The following TM7SF3 variants were observed in gnomAD, a reference collection of about 807,000 sequenced individuals.
TM7SF3 encodes the protein transmembrane 7 superfamily member 3, also known as seven span transmembrane protein.
Under a neutral mutation model 65.5 loss-of-function variants are expected in TM7SF3, and 60 were observed. The observed-to-expected ratio is 0.92, with a 90% CI of 0.74 to 1.14. The LOEUF (loss-of-function observed/expected upper bound fraction) is 1.14. TM7SF3 is among the 50% of genes most tolerant of loss of function. The pLI, the probability that TM7SF3 is intolerant of heterozygous loss-of-function variation, is 0.00. For synonymous variants in TM7SF3, 264 were observed against 259.6 expected (o/e 1.02, Z -0.16); for missense variants, 623 against 684.8 (o/e 0.91, Z 1.01).
At chr12:26,981,453 T>C (rs1939812248) in intron 7 of TM7SF3, among the ~76,000 whole-genome samples, 1 of 151,826 alleles carries the variant, frequency 6.6e-6, no homozygotes, top group African/African-American at 2.4e-5. Context: ...TAATTGTACC[T>C]GTGAACAGCC....
At chr12:27,005,964 T>C (rs1214775730) in intron 1 of TM7SF3, among the ~76,000 whole-genome samples, 2 of 149,282 alleles carry the variant, frequency 1.3e-5, no homozygotes, top group Non-Finnish European at 3.0e-5. Flanking sequence ...CACGCCTGGC[T>C]AATTTTTGTA....
intron 3 of TM7SF3, among the ~76,000 whole-genome samples, chr12:26,998,658 C>T (rs764183785): frequency 1.6e-4 from 24 of 152,154 alleles, no homozygotes; most frequent in Non-Finnish European, 2.8e-4. Flanking sequence ...TTCTCCATCC[C>T]GCCTCTCATG....
At chr12:26,996,964 T>C in intron 3 of TM7SF3, 102 bp from the exon 4 acceptor site, 1 of 1,235,630 alleles carries the variant, frequency 8.1e-7, no homozygotes, top group Non-Finnish European at 1.1e-6. Context: ...ACTTCCCAAA[T>C]AGAAGTTAAA....
In TM7SF3 at chr12:26,990,492, C is replaced by T. The variant is rs186054450; in HGVS notation, c.826G>A (p.Ala276Thr). The T allele has an allele frequency of 1.3e-4, 204 of 1,613,978 alleles. 3 individuals carry two copies. In the Admixed American group the frequency reaches 2.8e-3, roughly 22 times the overall value. ...SAAYIPAHTY[A>T]CSFEAGEGSC... ...CCCTCTCCTGCCTCAAAGCTGCAAGCGTATGTGTGAGCAGGAATGTAGGCA... is the reference window on the plus strand; with the variant it reads ...CCCTCTCCTGCCTCAAAGCTGCAAGTGTATGTGTGAGCAGGAATGTAGGCA... The change falls in exon 6 of 12, where the codon GCT (alanine) becomes ACT (threonine). Residue 276 changes from alanine to threonine, a missense_variant. Physicochemically the swap from Ala to Thr is moderately conservative, Grantham distance 58 (BLOSUM62 0). Coordinates refer to ENST00000343028, the MANE Select transcript of TM7SF3 (RefSeq NM_016551.3).
At chr12:26,990,195 T>C (rs1036803967) in intron 6 of TM7SF3, among the ~76,000 whole-genome samples, 2 of 152,212 alleles carry the variant, frequency 1.3e-5, no homozygotes, top group Non-Finnish European at 2.9e-5. Flanking sequence ...TTATTTATCT[T>C]CTTAGCACTC....
chr12:27,012,976 C>G (rs978259735), intron 1 of TM7SF3: 3 of 184,000 alleles, frequency 1.6e-5, no homozygotes, highest in East Asian at 3.4e-4. Flanking sequence ...CCAGCCTAGG[C>G]GACAGAGCGA....
At chr12:26,987,348 C>A (rs1783778593) in intron 6 of TM7SF3, among the ~76,000 whole-genome samples, 1 of 152,198 alleles carries the variant, frequency 6.6e-6, no homozygotes, top group African/African-American at 2.4e-5. Context: ...TGCTTCCCAC[C>A]TCAGCGAATG....
intron 3 of TM7SF3, 129 bp downstream of exon 3, chr12:26,999,397 A>G (rs542791772): frequency 2.4e-5 from 22 of 903,168 alleles, no homozygotes; most frequent in Non-Finnish European, 3.5e-5. Flanking sequence ...CTCCATCTCA[A>G]AAAAAAAAAA....
At chr12:26,974,428 T>C (rs568869226) in intron 11 of TM7SF3, among the ~76,000 whole-genome samples, 1 of 152,292 alleles carries the variant, frequency 6.6e-6, no homozygotes, top group African/African-American at 2.4e-5. Context: ...AACTAGGAAT[T>C]TTCTATTACA....
chr12:26,985,737 G>A (rs1294108341), intron 6 of TM7SF3, among the ~76,000 whole-genome samples: 2 of 143,488 alleles, frequency 1.4e-5, no homozygotes, highest in Admixed American at 1.4e-4. Context: ...AGGATCTTGA[G>A]TGGAAGATTG....
chr12:26,985,814 T>TG (rs1386556185), intron 6 of TM7SF3, among the ~76,000 whole-genome samples: 2 of 102,252 alleles, frequency 2.0e-5, no homozygotes, highest in Admixed American at 1.0e-4. Context: ...TCGTTTTTTT[T>TG]TTTTTTTTTT....
rs1941362345 is a variant in TM7SF3, at chr12:27,014,312, C to G, written c.-144G>C. On this transcript the variant is annotated 5_prime_UTR_variant, in exon 1 of 12. Transcript: ENST00000343028. ...GCCAGGTGCAGACGCTTCGCACCTG[C>G]CAGCTCCGCAGCCGCCGGCGCGCGC... The G allele has an allele frequency of 5.8e-6, 3 of 518,306 alleles. No individual in the cohort carries two copies. Among genetic ancestry groups the G allele is most frequent in the Non-Finnish European group, 9.0e-6 (3 of 331,656 alleles). 32.1% of individuals were successfully genotyped at this position (518,306 alleles called of 1,614,324 possible).
At position 27,003,266 on chromosome 12, in the gene TM7SF3, CTGTGAG is replaced by C. The variant is rs2136442215; in HGVS notation, c.210_215del (p.His70_Ser71del). ...AAAAGGAAACAGTTGTATTCTGATA[CTGTGAG>C]TGTATTTGGAAAATAAGAAAAGTCA... On this transcript the variant is annotated inframe_deletion, in exon 2 of 12. Coordinates refer to ENST00000343028, the MANE Select transcript of TM7SF3 (RefSeq NM_016551.3). The C allele has an allele frequency of 6.2e-7, 1 of 1,612,440 alleles. No homozygotes were observed. The highest frequency in any genetic ancestry group is 1.3e-5 in the African/African-American group (1 of 75,016).
intron 8 of TM7SF3, 171 bp downstream of exon 8, chr12:26,980,395 A>C (rs1414187136): frequency 1.7e-6 from 1 of 596,698 alleles, no homozygotes; most frequent in African/African-American, 1.9e-5. Context: ...AAAACCCAGA[A>C]GGTCTGAATG....
chr12:27,001,836 A>T (rs1940842441), intron 2 of TM7SF3, among the ~76,000 whole-genome samples: 1 of 152,200 alleles, frequency 6.6e-6, no homozygotes, highest in Non-Finnish European at 1.5e-5. Context: ...GCCTCCCCTG[A>T]GGAACTGGCA....
chr12:26,990,422 T>C (rs190952987), intron 6 of TM7SF3, 28 bp downstream of exon 6: 24 of 1,571,038 alleles, frequency 1.5e-5, no homozygotes, highest in South Asian at 7.9e-5. Context: ...AAAGGAGAAT[T>C]TGTAAAAGTT....
rs1477210978 is a variant in TM7SF3 at position 26,994,701 on chromosome 12, A to G, written c.690+536T>C. 2.6e-5 allele frequency among the ~76,000 whole-genome samples: 4 copies of G among 152,202 alleles called. No homozygotes were observed. In the South Asian group the frequency reaches 8.3e-4, roughly 31 times the overall value. ...TTCTGATTCAGTAGTTCCAGGGTGG[A>G]GTTTAAGAATTACAATTCTCACAAA... On this transcript the variant is annotated intron_variant, in intron 5 of 11. Transcript: ENST00000343028.
At chr12:26,984,263 T>C (rs1430681137) in intron 6 of TM7SF3, among the ~76,000 whole-genome samples, 1 of 151,980 alleles carries the variant, frequency 6.6e-6, no homozygotes, top group Non-Finnish European at 1.5e-5. Context: ...GAACCCCGTC[T>C]ACTAAAAATA....
At chr12:26,989,131 T>G (rs1474999788) in intron 6 of TM7SF3, among the ~76,000 whole-genome samples, 1 of 152,208 alleles carries the variant, frequency 6.6e-6, no homozygotes, top group Non-Finnish European at 1.5e-5. Flanking sequence ...TAGTTAATTT[T>G]GGGGAAGTCA....
Sources: gnomAD v4.1 joint callset for allele counts (sites outside exome capture counted in the v4.1 genomes callset) on GRCh38, gnomAD v4.1.1 for gene constraint, MANE v1.5 for transcripts, NCBI Gene and HGNC (gene_info 2026-07-23, HGNC 2026-07-21) for gene names.